Variants in ITPR2 observed in about 807,000 individuals in gnomAD.
The protein encoded by ITPR2 is inositol 1,4,5-trisphosphate receptor type 2, also known as inositol 1,4,5-trisphosphate-gated calcium channel ITPR2.
Under a neutral mutation model 317.1 loss-of-function variants are expected in ITPR2, and 207 were observed. The ratio of observed to expected loss-of-function variants is 0.65; its 90% CI spans 0.58 to 0.73. The LOEUF (loss-of-function observed/expected upper bound fraction) is 0.73, where lower values mean the gene tolerates loss of function less well. ITPR2 is among the 30% of genes least tolerant of loss of function. The pLI is 0.00. For missense variants in ITPR2, 2,613 were observed against 3,284.0 expected, an observed-to-expected ratio of 0.80 and a Z score of 4.99; for synonymous variants, 1,156 against 1,149.1, an observed-to-expected ratio of 1.01 and a Z score of -0.12.
chr12:26,743,202 T>C (rs568703472), intron 2 of ITPR2, among the ~76,000 whole-genome samples: 75 of 152,296 alleles, frequency 4.9e-4, no homozygotes, highest in Non-Finnish European at 8.4e-4. Context: ...GTTTCATTTA[T>C]ATGAAGTTTG....
intron 34 of ITPR2, among the ~76,000 whole-genome samples, chr12:26,562,867 G>A (rs1473993932): frequency 6.6e-6 from 1 of 150,884 alleles, no homozygotes; most frequent in Non-Finnish European, 1.5e-5. Flanking sequence ...GTATACATAT[G>A]TAACAAACCT....
chr12:26,725,556 G>T, intron 3 of ITPR2, 94 bp downstream of exon 3: 1 of 783,154 alleles, frequency 1.3e-6, no homozygotes. Flanking sequence ...TCTGTGTTTT[G>T]GGTGAAAGGA....
At chr12:26,513,664 C>T (rs1180214579) in intron 37 of ITPR2, among the ~76,000 whole-genome samples, 1 of 152,082 alleles carries the variant, frequency 6.6e-6, no homozygotes, top group Admixed American at 6.6e-5. Context: ...TCTCTTGTCT[C>T]AGCACTCCCT....
At chr12:26,557,472 A>C (rs963102033) in intron 35 of ITPR2, among the ~76,000 whole-genome samples, 1 of 152,222 alleles carries the variant, frequency 6.6e-6, no homozygotes, top group African/African-American at 2.4e-5. Context: ...AAGTCAGCTG[A>C]GAGAGCAGGG....
intron 52 of ITPR2, among the ~76,000 whole-genome samples, chr12:26,405,277 A>G (rs1156865276): frequency 6.6e-6 from 1 of 152,224 alleles, no homozygotes; most frequent in Non-Finnish European, 1.5e-5. Flanking sequence ...ACCTATGAAG[A>G]ACTTAGAACA....
intron 49 of ITPR2, among the ~76,000 whole-genome samples, chr12:26,427,394 A>G (rs564367663): frequency 6.6e-6 from 1 of 152,266 alleles, no homozygotes; most frequent in African/African-American, 2.4e-5. Context: ...TAATATTTCA[A>G]AATTCGGTCA....
At chr12:26,680,337 A>G (rs888542423) in intron 13 of ITPR2, among the ~76,000 whole-genome samples, 20 of 152,304 alleles carry the variant, frequency 1.3e-4, no homozygotes, top group African/African-American at 4.6e-4. Context: ...CACATTATCA[A>G]TACAATTCAA....
At chr12:26,706,852 C>T (rs73290482) in intron 9 of ITPR2, among the ~76,000 whole-genome samples, 1,677 of 152,288 alleles carry the variant, frequency 0.011, 35 homozygotes, top group African/African-American at 0.039. Context: ...TCATTCCTTT[C>T]ACAACACCTT....
At chr12:26,357,332 C>A (rs1023197276) in intron 55 of ITPR2, among the ~76,000 whole-genome samples, 1 of 152,154 alleles carries the variant, frequency 6.6e-6, no homozygotes, top group Non-Finnish European at 1.5e-5. Context: ...CCTAAAAAAA[C>A]CTCTGGATAC....
At position 26,605,116 on chromosome 12, in the gene ITPR2, A is replaced by AAAAAT. The variant is rs1565635168; in HGVS notation, c.3463-2411_3463-2410insATTTT. Among the ~76,000 whole-genome samples, 76 of 94,388 alleles carry AAAAAT rather than the reference A, an allele frequency of 8.1e-4. 2 individuals are homozygous for AAAAAT. Among genetic ancestry groups the AAAAAT allele is most frequent in the Admixed American group, 5.9e-3 (62 of 10,540 alleles). 61.9% of individuals were successfully genotyped at this position (94,388 alleles called of 152,430 possible). A position where few individuals can be genotyped will look rare whatever the true frequency, so the allele number is the denominator to read the frequency against. ...AAAAAAAAAAATAAAAATAAAAAAT[A>AAAAAT]AAAAATAAAAATATATATATATATA... is the stretch of plus-strand genomic sequence containing the variant. On this transcript the variant is annotated intron_variant, in intron 26 of 56. Coordinates refer to ENST00000381340, the MANE Select transcript of ITPR2 (RefSeq NM_002223.4).
chr12:26,640,866 CT>C (rs1235931452), intron 21 of ITPR2, among the ~76,000 whole-genome samples: 1 of 152,146 alleles, frequency 6.6e-6, no homozygotes, highest in African/African-American at 2.4e-5. Flanking sequence ...ATATGAGTAG[CT>C]CACAGAAAGG....
chr12:26,466,888 C>T (rs1942182207), intron 45 of ITPR2, among the ~76,000 whole-genome samples: 1 of 152,232 alleles, frequency 6.6e-6, no homozygotes, highest in Non-Finnish European at 1.5e-5. Flanking sequence ...GTGTTTTCTA[C>T]GTTCTGCACT....
intron 2 of ITPR2, among the ~76,000 whole-genome samples, chr12:26,733,458 T>C (rs779665804): frequency 1.2e-4 from 19 of 152,106 alleles, no homozygotes; most frequent in Non-Finnish European, 2.4e-4. Context: ...AAGATACATA[T>C]ACATATGTGC....
At chr12:26,722,339 A>T in intron 5 of ITPR2, 58 bp downstream of exon 5, 1 of 1,432,280 alleles carries the variant, frequency 7.0e-7, no homozygotes, top group Non-Finnish European at 9.5e-7. Context: ...TATCTTACTT[A>T]TTAGGAATCA....
intron 34 of ITPR2, among the ~76,000 whole-genome samples, chr12:26,574,710 C>T (rs1442178682): frequency 3.3e-5 from 5 of 152,130 alleles, no homozygotes; most frequent in Non-Finnish European, 7.3e-5. Flanking sequence ...ATGGCCTTTG[C>T]ACCTATTCAG....
At chr12:26,678,428 G>A (rs1001893852) in intron 13 of ITPR2, among the ~76,000 whole-genome samples, 41 of 148,588 alleles carry the variant, frequency 2.8e-4, no homozygotes, top group East Asian at 2.8e-3. Flanking sequence ...GAGAGAGAGA[G>A]AAAAAAAAAA....
chr12:26,461,700 AC>A (rs1942033841), intron 45 of ITPR2, among the ~76,000 whole-genome samples: 1 of 135,662 alleles, frequency 7.4e-6, no homozygotes, highest in Admixed American at 7.4e-5. Flanking sequence ...ATACACACAC[AC>A]ACACACACAC....
intron 48 of ITPR2, among the ~76,000 whole-genome samples, chr12:26,430,035 G>T (rs1212665149): frequency 6.6e-6 from 1 of 152,144 alleles, no homozygotes; most frequent in African/African-American, 2.4e-5. Flanking sequence ...TTATAGTCAG[G>T]CACTTAAAAT....
chr12:26,832,276 C>A (rs1951124379), intron 1 of ITPR2, among the ~76,000 whole-genome samples: 1 of 152,230 alleles, frequency 6.6e-6, no homozygotes, highest in Non-Finnish European at 1.5e-5. Flanking sequence ...TCTTTCAAAC[C>A]CGGCACTGAG....
Sources: allele counts gnomAD v4.1 joint callset (sites outside exome capture counted in the v4.1 genomes callset), GRCh38; gene constraint gnomAD v4.1.1; transcripts MANE v1.5; gene names NCBI Gene and HGNC (gene_info 2026-07-23, HGNC 2026-07-21).